MRPL43: variants seen among roughly 807,000 people sequenced by gnomAD.
The protein encoded by MRPL43 is large ribosomal subunit protein mL43.
In MRPL43, 9 loss-of-function variants were observed where a neutral mutation model predicts 12.7. The observed-to-expected ratio is 0.71, with a 90% CI of 0.43 to 1.24. The LOEUF (loss-of-function observed/expected upper bound fraction) is 1.24. Ranked by LOEUF, MRPL43 falls within the 50% of genes most tolerant of loss-of-function variation. MRPL43 has a pLI of 0.00. For synonymous variants in MRPL43, 116 were observed against 96.4 expected, an observed-to-expected ratio of 1.20 and a Z score of -1.19; for missense variants, 211 against 229.2, an observed-to-expected ratio of 0.92 and a Z score of 0.51.
downstream of MRPL43, chr10:100,981,050 G>A: frequency 3.8e-6 from 6 of 1,597,246 alleles, no homozygotes; most frequent in South Asian, 3.4e-5. Context: ...GAGGAGGAAG[G>A]CCTGATAGCT....
chr10:100,978,267 C>T (rs772096343), downstream of MRPL43: 2 of 1,577,278 alleles, frequency 1.3e-6, no homozygotes, highest in Non-Finnish European at 1.7e-6. Context: ...TCTTCGGAAC[C>T]ACTTACTGCT....
chr10:100,987,419 G>C lies in MRPL43; in HGVS notation c.25C>G (p.Arg9Gly), dbSNP rs1851580595. 6.2e-7 allele frequency: 1 copy of C among 1,612,440 alleles called. No homozygotes were observed. Among genetic ancestry groups the C allele is most frequent in the Non-Finnish European group, 8.5e-7 (1 of 1,179,906 alleles). Residue 9 changes from arginine to glycine, a missense_variant, in exon 1 of 3, where the codon CGC becomes GGC. Coordinates refer to ENST00000318364, the MANE Select transcript of MRPL43 (RefSeq NM_032112.3). ...TTGTGGAGAACGCTGGCCAAGAAGC[G>C]GCTCGGAGTCCCGCGCGCCGTCATA... is the stretch of plus-strand genomic sequence containing the variant. MTARGTPS[R>G]FLASVLHNGL...
At chr10:100,981,001 G>A, downstream of MRPL43, 1 of 1,593,832 alleles carries the variant, frequency 6.3e-7, no homozygotes, top group South Asian at 1.1e-5. Flanking sequence ...GAAGCAGGTG[G>A]GAAGTGGTGG....
At chr10:100,984,875 G>GTCAT, downstream of MRPL43, 1 of 1,480,532 alleles carries the variant, frequency 6.8e-7, no homozygotes, top group Non-Finnish European at 9.0e-7. Flanking sequence ...ACTCTCCTTG[G>GTCAT]TCATTCTCAA....
downstream of MRPL43, among the ~76,000 whole-genome samples, chr10:100,986,031 T>C (rs1014526964): frequency 3.3e-5 from 5 of 152,214 alleles, no homozygotes; most frequent in Non-Finnish European, 7.3e-5. Context: ...ATGGATTTTA[T>C]TTCTGCACAA....
chr10:100,980,708 T>G (rs1373247484), downstream of MRPL43: 1 of 1,610,538 alleles, frequency 6.2e-7, no homozygotes, highest in South Asian at 1.1e-5. Flanking sequence ...CCCTTCTCTG[T>G]GACCCTTAAT....
chr10:100,986,499 T>G lies in MRPL43; in HGVS notation c.*235A>C, dbSNP rs988012862. On this transcript the variant is annotated 3_prime_UTR_variant, in exon 3 of 3. Coordinates refer to ENST00000318364, the MANE Select transcript of MRPL43 (RefSeq NM_032112.3). ...CCCTGTAAAACCCTTGAAGTCTTCC[T>G]CATCTCAGGTTTTAGGGATGCCACT... The G allele has an allele frequency of 6.5e-7, 1 of 1,550,298 alleles. No homozygotes were observed. The highest frequency in any genetic ancestry group is 1.2e-5 in the South Asian group (1 of 84,036).
chr10:100,979,721 C>T (rs1850965456), downstream of MRPL43: 6 of 1,082,060 alleles, frequency 5.5e-6, no homozygotes, highest in East Asian at 4.7e-5. Context: ...CACTGACTCA[C>T]AGGAGAGGCC....
downstream of MRPL43, chr10:100,978,634 C>T: frequency 6.2e-7 from 1 of 1,612,980 alleles, no homozygotes; most frequent in Non-Finnish European, 8.5e-7. Context: ...AATGCATTGG[C>T]TCAATGGTTA....
rs907155716 is a variant in MRPL43, at chr10:100,986,671, G to GAA, written c.*61_*62dup. On this transcript the variant is annotated 3_prime_UTR_variant, in exon 3 of 3. Transcript: ENST00000318364. ...TGCCTGGGCTTGGAATCCCAAAGGGGAAGAACCACCTTTACCGGAGTAACA... is the reference window on the plus strand; with the variant it reads ...TGCCTGGGCTTGGAATCCCAAAGGGGAAAAGAACCACCTTTACCGGAGTAACA... 1.9e-5 allele frequency: 31 copies of GAA among 1,613,756 alleles called. No homozygotes were observed. In the East Asian group the frequency reaches 2.2e-4, roughly 12 times the overall value.
chr10:100,983,586 G>C (rs1851244380), downstream of MRPL43: 1 of 1,613,842 alleles, frequency 6.2e-7, no homozygotes, highest in Admixed American at 1.7e-5. Context: ...TCCTGCCCCA[G>C]CTCCAAAAGC....
chr10:100,980,140 C>T (rs761554973), downstream of MRPL43: 11 of 1,614,080 alleles, frequency 6.8e-6, no homozygotes, highest in South Asian at 2.2e-5. Flanking sequence ...AGATTCATTG[C>T]GCAGCCAAGG....
downstream of MRPL43, among the ~76,000 whole-genome samples, chr10:100,982,022 C>T (rs536474906): frequency 6.9e-6 from 1 of 145,792 alleles, no homozygotes; most frequent in Admixed American, 6.9e-5. Context: ...CACACCATTG[C>T]ACTCCAGCCT....
At chr10:100,979,539 C>G (rs147036283), downstream of MRPL43, among the ~76,000 whole-genome samples, 1 of 152,022 alleles carries the variant, frequency 6.6e-6, no homozygotes, top group South Asian at 2.1e-4. Flanking sequence ...TGTGCCACCA[C>G]GCCTGGCTAA....
At chr10:100,981,917 G>A (rs550728516), downstream of MRPL43, among the ~76,000 whole-genome samples, 6 of 152,042 alleles carry the variant, frequency 3.9e-5, no homozygotes, top group South Asian at 1.2e-3. Context: ...AATTAGCCGG[G>A]TGTGGTGGCA....
At chr10:100,984,804 G>A (rs1162547813), downstream of MRPL43, 7 of 1,534,836 alleles carry the variant, frequency 4.6e-6, no homozygotes, top group East Asian at 4.9e-5. Context: ...GCCTGGGGAG[G>A]TAAGACTGCA....
downstream of MRPL43, chr10:100,984,198 C>G: frequency 1.3e-6 from 2 of 1,527,682 alleles, no homozygotes; most frequent in Non-Finnish European, 1.7e-6. Context: ...CCACTGCCTC[C>G]CTAACACAGC....
chr10:100,978,835 T>C (rs1850919739), downstream of MRPL43: 1 of 1,611,558 alleles, frequency 6.2e-7, no homozygotes, highest in Admixed American at 1.7e-5. Context: ...CCTCTCAAAC[T>C]GCCTGACCCA....
In MRPL43 at chr10:100,986,274, T is replaced by G; in HGVS notation, c.*460A>C. ...ACACATTTTGAAGACAGACCTGAAA[T>G]GTGACCTTGGATAAGTTTATTAACC... is the stretch of plus-strand genomic sequence containing the variant. On this transcript the variant is annotated 3_prime_UTR_variant, in exon 3 of 3. Transcript: ENST00000318364. The G allele has an allele frequency of 7.3e-7, 1 of 1,362,752 alleles. No individual in the cohort carries two copies. Among genetic ancestry groups the G allele is most frequent in the Non-Finnish European group, 9.4e-7 (1 of 1,061,678 alleles). 84.4% of individuals were successfully genotyped at this position (1,362,752 alleles called of 1,614,324 possible).
Sources: allele counts gnomAD v4.1 joint callset (sites outside exome capture counted in the v4.1 genomes callset), GRCh38; gene constraint gnomAD v4.1.1; transcripts MANE v1.5; gene names NCBI Gene and HGNC (gene_info 2026-07-23, HGNC 2026-07-21).